Variants in UXS1 observed in about 807,000 individuals in gnomAD.
UXS1 encodes the protein UDP-glucuronic acid decarboxylase 1.
A neutral mutation model predicts 62.6 loss-of-function variants in UXS1; 33 were observed. The observed-to-expected ratio is 0.53, with a 90% CI of 0.40 to 0.70. The LOEUF (loss-of-function observed/expected upper bound fraction) is 0.70, where lower values mean the gene tolerates loss of function less well. Among genes scored for constraint, UXS1 ranks in the 30% least tolerant of loss-of-function variants. UXS1 has a pLI of 0.00. For missense variants in UXS1, 434 were observed against 556.3 expected (o/e 0.78, Z 2.21); for synonymous variants, 213 against 206.8 (o/e 1.03, Z -0.26).
intron 1 of UXS1, among the ~76,000 whole-genome samples, chr2:106,181,672 C>T (rs1029208932): frequency 4.6e-5 from 7 of 152,052 alleles, no homozygotes; most frequent in Admixed American, 6.5e-5. Flanking sequence ...GCCAATCTGG[C>T]GCCACTGCAC....
chr2:106,128,550 A>G (rs775960733), intron 7 of UXS1, among the ~76,000 whole-genome samples: 1 of 152,176 alleles, frequency 6.6e-6, no homozygotes, highest in Non-Finnish European at 1.5e-5. Context: ...AGATGGAGGA[A>G]GGTCAACTGC....
chr2:106,165,916 T>C (rs755856550), intron 2 of UXS1, 140 bp downstream of exon 2: 5 of 708,338 alleles, frequency 7.1e-6, no homozygotes, highest in Non-Finnish European at 1.1e-5. Flanking sequence ...AAGAAACAGC[T>C]CAGATATGTG....
At chr2:106,094,212 C>CGCAGGAAGGAAGTGTCACCTT in intron 14 of UXS1, 55 bp from the exon 15 acceptor site, 1 of 1,186,126 alleles carries the variant, frequency 8.4e-7, no homozygotes, top group Admixed American at 2.4e-5. Context: ...AGAAGGGCAT[C>CGCAGGAAGGAAGTGTCACCTT]GCAGGAAGGA....
chr2:106,105,683 C>T (rs894926448), intron 10 of UXS1, among the ~76,000 whole-genome samples: 8 of 152,198 alleles, frequency 5.3e-5, no homozygotes, highest in Admixed American at 4.6e-4. Context: ...ATGTGAGGTG[C>T]GATACCAGCA....
intron 10 of UXS1, 84 bp downstream of exon 10, chr2:106,112,562 C>T: frequency 1.3e-6 from 2 of 1,547,056 alleles, no homozygotes; most frequent in South Asian, 1.2e-5. Flanking sequence ...ACTCCCTGAA[C>T]CAAGATGCAC....
intron 12 of UXS1, 60 bp downstream of exon 12, chr2:106,100,998 G>A: frequency 1.3e-6 from 2 of 1,599,908 alleles, no homozygotes; most frequent in Non-Finnish European, 1.7e-6. Context: ...GCTGCTCATG[G>A]TTTCACAAAT....
chr2:106,151,581 T>C (rs550896008), intron 5 of UXS1, among the ~76,000 whole-genome samples: 46 of 152,272 alleles, frequency 3.0e-4, no homozygotes, highest in African/African-American at 1.1e-3. Context: ...GCCAATACCT[T>C]TCTACTTATA....
intron 6 of UXS1, among the ~76,000 whole-genome samples, chr2:106,131,254 T>A (rs1298653628): frequency 1.3e-5 from 2 of 148,350 alleles, no homozygotes; most frequent in Non-Finnish European, 3.0e-5. Context: ...GAGAGGGTCC[T>A]ACGCCCATGG....
intron 14 of UXS1, among the ~76,000 whole-genome samples, chr2:106,096,251 AGTGAGTGTGCGCAT>A (rs1677082364): frequency 6.6e-6 from 1 of 151,490 alleles, no homozygotes; most frequent in African/African-American, 2.4e-5. Context: ...AGTGTGGATC[AGTGAGTGTGCGCAT>A]GTGAGTGAAT....
At chr2:106,167,194 A>C (rs1683265098) in intron 1 of UXS1, among the ~76,000 whole-genome samples, 1 of 152,214 alleles carries the variant, frequency 6.6e-6, no homozygotes, top group South Asian at 2.1e-4. Context: ...TAAGTTACTG[A>C]GCAGGATTCT....
intron 1 of UXS1, among the ~76,000 whole-genome samples, chr2:106,193,556 G>A (rs1685068907): frequency 6.6e-6 from 1 of 151,824 alleles, no homozygotes; most frequent in Non-Finnish European, 1.5e-5. Flanking sequence ...CCCGGCCGCC[G>A]AGCCCCGGGG....
In UXS1 at chr2:106,098,883, T is replaced by C. The variant is rs1268493555; in HGVS notation, c.985-110A>G. 9 of 965,398 alleles carry C rather than the reference T, an allele frequency of 9.3e-6. No homozygotes were observed. In the Admixed American group the frequency reaches 1.7e-4, roughly 18 times the overall value. The allele number at this position is 965,398 out of a possible 1,614,324, so 59.8% of individuals were successfully genotyped here. ...GTCTACTGGCCGAGTCTGACCTCCC[T>C]GCGCTGCTTCAGCAGAGCTCCGTGT... On this transcript the variant is annotated intron_variant, in intron 12 of 14. Coordinates refer to ENST00000283148, the MANE Select transcript of UXS1 (RefSeq NM_001253875.2).
chr2:106,142,008 C>A (rs1348944034), intron 6 of UXS1, among the ~76,000 whole-genome samples: 1 of 151,850 alleles, frequency 6.6e-6, no homozygotes, highest in Non-Finnish European at 1.5e-5. Context: ...ATAGCTGCGA[C>A]CACAGACATG....
chr2:106,165,856 T>C (rs574199951), intron 2 of UXS1, among the ~76,000 whole-genome samples, 200 bp downstream of exon 2: 3 of 152,344 alleles, frequency 2.0e-5, no homozygotes, highest in Admixed American at 2.0e-4. Flanking sequence ...TGGGCCTTAC[T>C]TGGTAATTGT....
intron 1 of UXS1, 151 bp downstream of exon 1, chr2:106,193,997 G>A (rs1685107349): frequency 6.6e-6 from 3 of 452,984 alleles, no homozygotes; most frequent in Non-Finnish European, 7.1e-6. Context: ...AGAGTGGAAA[G>A]GGGTGGGAGC....
chr2:106,183,001 A>G (rs573554114), intron 1 of UXS1, among the ~76,000 whole-genome samples: 1 of 152,306 alleles, frequency 6.6e-6, no homozygotes, highest in Non-Finnish European at 1.5e-5. Flanking sequence ...CAGAACAGCA[A>G]AAGAAACCAA....
chr2:106,186,739 G>C (rs2046072774), intron 1 of UXS1, among the ~76,000 whole-genome samples: 2 of 152,124 alleles, frequency 1.3e-5, no homozygotes, highest in Non-Finnish European at 2.9e-5. Context: ...GATCACCTGA[G>C]TCCAGGATTT....
intron 11 of UXS1, among the ~76,000 whole-genome samples, chr2:106,103,551 C>G (rs775499680): frequency 6.6e-6 from 1 of 152,234 alleles, no homozygotes; most frequent in Admixed American, 6.5e-5. Context: ...ATAGTTTCCT[C>G]CAGGGACATA....
chr2:106,113,274 C>G (rs1678771352), intron 9 of UXS1, among the ~76,000 whole-genome samples: 1 of 152,070 alleles, frequency 6.6e-6, no homozygotes, highest in Non-Finnish European at 1.5e-5. Context: ...ACTGAGTGAG[C>G]TTGCATCTAC....
Sources: allele counts gnomAD v4.1 joint callset (sites outside exome capture counted in the v4.1 genomes callset), GRCh38; gene constraint gnomAD v4.1.1; transcripts MANE v1.5; gene names NCBI Gene and HGNC (gene_info 2026-07-23, HGNC 2026-07-21).